Variants in FRMD1 observed in about 807,000 individuals in gnomAD.
The protein encoded by FRMD1 is FERM domain containing 1.
Under a neutral mutation model 54.9 loss-of-function variants are expected in FRMD1, and 51 were observed. That is an observed-to-expected ratio of 0.93 (90% CI 0.74 to 1.17). FRMD1 has a LOEUF of 1.17. Ranked by LOEUF, FRMD1 falls within the 50% of genes most tolerant of loss-of-function variation. The pLI is 0.00. For missense variants in FRMD1, 729 were observed against 743.0 expected, an observed-to-expected ratio of 0.98 and a Z score of 0.22; for synonymous variants, 324 against 306.4, an observed-to-expected ratio of 1.06 and a Z score of -0.60.
chr6:168,091,901 C>T (rs1801021986), intron 1 of FRMD1, among the ~76,000 whole-genome samples: 1 of 128,418 alleles, frequency 7.8e-6, no homozygotes, highest in South Asian at 2.2e-4. Context: ...GATCAGGTGT[C>T]ACTAGGAAGA....
chr6:168,079,683 CT>C (rs1357922014), upstream of FRMD1, among the ~76,000 whole-genome samples: 2 of 152,202 alleles, frequency 1.3e-5, no homozygotes, highest in African/African-American at 4.8e-5. Flanking sequence ...AGGAGGGACC[CT>C]GGCTCCCTTT....
At chr6:168,075,436 C>G in intron 1 of FRMD1, 101 bp from the exon 2 acceptor site, 1 of 891,392 alleles carries the variant, frequency 1.1e-6, no homozygotes, top group Non-Finnish European at 1.8e-6. Context: ...GTGGACGACC[C>G]AGTCAGGCAT....
chr6:168,059,183 G>C lies in FRMD1; in HGVS notation c.1348C>G (p.Arg450Gly). Reference sequence around the variant, plus strand: ...CTGACCTGGGTGCAGGGCTCCTGACGAGTGGCTGTGGGAGGAGGCAGCCGT... The same window carrying C: ...CTGACCTGGGTGCAGGGCTCCTGACCAGTGGCTGTGGGAGGAGGCAGCCGT... ...PSTRGDSQAT[R>G]QEPCTQVRTR... The change falls in exon 10 of 11, where the codon CGT (arginine) becomes GGT (glycine). Residue 450 changes from arginine to glycine, a missense_variant. Coordinates refer to ENST00000283309, the MANE Select transcript of FRMD1 (RefSeq NM_024919.6). This position sits in a 1 kb window ranked among gnomAD's most constrained non-coding sequence, Gnocchi z 4.4. 1 of 1,584,778 alleles carries C rather than the reference G, an allele frequency of 6.3e-7. No individual in the cohort carries two copies. The highest frequency in any genetic ancestry group is 8.6e-7 in the Non-Finnish European group (1 of 1,168,966).
In FRMD1 at chr6:168,075,267, GA is replaced by G; in HGVS notation, c.281del (p.Phe94SerfsTer60). On this transcript the variant is annotated frameshift_variant, in exon 2 of 11. Transcript: ENST00000283309. LOFTEE classifies it high-confidence loss of function. ...CNVASIRDAQ[F>X]FGLCVVRNNE... ...TACTTCTGACCACACAGAGGCCAAA[GA>G]ACTGCGCGTCTCTGATGCTCGCCAC... is the stretch of plus-strand genomic sequence containing the variant. The G allele has an allele frequency of 6.2e-7, 1 of 1,613,806 alleles. No homozygotes were observed.
chr6:168,059,095 G>T lies in FRMD1; in HGVS notation c.1407+29C>A, dbSNP rs773154730. The T allele has an allele frequency of 3.3e-6, 5 of 1,537,482 alleles. No homozygotes were observed. In the East Asian group the frequency reaches 1.2e-4, roughly 36 times the overall value. ...AGAAGGGGGTGGAGGAGCAGGGCCA[G>T]GGCTTCTGGCCCGTGGGGGGGACTC... On this transcript the variant is annotated intron_variant, in intron 10 of 10. Transcript: ENST00000283309. The surrounding 1 kb of genome is among the most constrained non-coding windows in gnomAD (Gnocchi z 4.4).
upstream of FRMD1, among the ~76,000 whole-genome samples, chr6:168,080,246 C>T (rs573289083): frequency 7.8e-4 from 119 of 152,242 alleles, 3 homozygotes; most frequent in African/African-American, 2.5e-3. Flanking sequence ...GCCTCACCTC[C>T]CCCGGACCCT....
chr6:168,074,228 T>A (rs1037014878), intron 2 of FRMD1, among the ~76,000 whole-genome samples: 5 of 151,902 alleles, frequency 3.3e-5, no homozygotes, highest in African/African-American at 1.2e-4. Flanking sequence ...CCGGCCCCAC[T>A]CCCCTCCACC....
At chr6:168,066,274 G>T in intron 4 of FRMD1, 6 of 906,622 alleles carry the variant, frequency 6.6e-6, no homozygotes, top group Non-Finnish European at 7.9e-6. Context: ...CGAGGCGGGT[G>T]GATCACCTGA....
rs1394431129 is a variant in FRMD1 at position 168,061,153 on chromosome 6, CA to C, written c.1046-97del. ...CCCGGGAGACAGAAATGCACACCCA[CA>C]GCCCAGATGAGGACGTGGAACAGGC... is the stretch of plus-strand genomic sequence containing the variant. On this transcript the variant is annotated intron_variant, in intron 8 of 10. Coordinates refer to ENST00000283309, the MANE Select transcript of FRMD1 (RefSeq NM_024919.6). 40 of 1,248,176 alleles carry C rather than the reference CA, an allele frequency of 3.2e-5. No individual in the cohort carries two copies. In the East Asian group the frequency reaches 9.6e-4, roughly 30 times the overall value. 77.3% of individuals were successfully genotyped at this position (1,248,176 alleles called of 1,614,324 possible).
intron 5 of FRMD1, 89 bp downstream of exon 5, chr6:168,064,782 C>T (rs562718015): frequency 6.7e-7 from 1 of 1,481,982 alleles, no homozygotes; most frequent in South Asian, 1.4e-5. Context: ...CTGCCAGGCC[C>T]TCAGTCCCCT....
intron 2 of FRMD1, among the ~76,000 whole-genome samples, chr6:168,068,440 C>A (rs1800150160): frequency 6.6e-6 from 1 of 152,132 alleles, no homozygotes; most frequent in African/African-American, 2.4e-5. Context: ...ATATCAAAAC[C>A]CGGGGATGGT....
chr6:168,080,724 G>A (rs910090536), upstream of FRMD1, among the ~76,000 whole-genome samples: 13 of 152,174 alleles, frequency 8.5e-5, no homozygotes, highest in South Asian at 4.1e-4. Flanking sequence ...AGGACCCCTC[G>A]GTGGGGAGAG....
rs563691326 is a variant in FRMD1 at position 168,054,611 on chromosome 6, A to G, written c.*2486T>C. On this transcript the variant is annotated 3_prime_UTR_variant, in exon 11 of 11. Coordinates refer to ENST00000283309, the MANE Select transcript of FRMD1 (RefSeq NM_024919.6). Reference sequence around the variant, plus strand: ...CTTCTTAGGAAACATCCCTGTCCCTACCAGTCGGTGTCCATTTTTCTGGAA... The same window carrying G: ...CTTCTTAGGAAACATCCCTGTCCCTGCCAGTCGGTGTCCATTTTTCTGGAA... The G allele has an allele frequency of 6.7e-6, 1 of 149,140 alleles. No homozygotes were observed. Among genetic ancestry groups the G allele is most frequent in the African/African-American group, 2.5e-5 (1 of 40,206 alleles). The allele number at this position is 149,140 out of a possible 1,614,324, so 9.2% of individuals were successfully genotyped here. A position where few individuals can be genotyped will look rare whatever the true frequency, so the allele number is the denominator to read the frequency against.
intron 2 of FRMD1, 148 bp downstream of exon 2, chr6:168,075,095 CTG>C (rs1209148022): frequency 1.6e-5 from 11 of 685,882 alleles, no homozygotes; most frequent in Admixed American, 4.1e-5. Flanking sequence ...TGGTGTGTAA[CTG>C]TGCATTGTGC....
At chr6:168,067,662 T>A (rs886976268) in intron 2 of FRMD1, 3 of 515,382 alleles carry the variant, frequency 5.8e-6, no homozygotes, top group Middle Eastern at 4.2e-4. Flanking sequence ...AAAACAATGT[T>A]CCAACGTGTA....
intron 2 of FRMD1, among the ~76,000 whole-genome samples, chr6:168,074,001 T>C (rs1800435660): frequency 6.6e-6 from 1 of 152,118 alleles, no homozygotes; most frequent in Admixed American, 6.5e-5. Context: ...CCATGTAGCC[T>C]CCCTCGGCTT....
At chr6:168,075,932 C>T (rs1562427379) in intron 1 of FRMD1, 1 of 628,906 alleles carries the variant, frequency 1.6e-6, no homozygotes, top group Admixed American at 2.5e-5. Context: ...TCCACATTTC[C>T]GGTGCCCGGT....
At chr6:168,058,351 C>T (rs1431002628) in intron 10 of FRMD1, among the ~76,000 whole-genome samples, 4 of 129,340 alleles carry the variant, frequency 3.1e-5, no homozygotes, top group Non-Finnish European at 6.8e-5. Flanking sequence ...TGCAGCCTCT[C>T]GTGCCCAGCC....
At chr6:168,075,665 G>A in intron 1 of FRMD1, 4 of 1,187,124 alleles carry the variant, frequency 3.4e-6, no homozygotes, top group South Asian at 2.6e-5. Context: ...CTCCAGGGCC[G>A]CCCTCTGGGC....
Sources: allele counts gnomAD v4.1 joint callset (sites outside exome capture counted in the v4.1 genomes callset), GRCh38; gene constraint gnomAD v4.1.1; non-coding constraint Gnocchi (gnomAD v3.1); transcripts MANE v1.5; gene names NCBI Gene and HGNC (gene_info 2026-07-23, HGNC 2026-07-21).